CRPPA: variants seen among roughly 807,000 people sequenced by gnomAD.
CRPPA encodes the protein D-ribitol-5-phosphate cytidylyltransferase.
Under a neutral mutation model 52.0 loss-of-function variants are expected in CRPPA, and 43 were observed. The ratio of observed to expected loss-of-function variants is 0.83; its 90% CI spans 0.65 to 1.07. The LOEUF is 1.07. Ranked by LOEUF, CRPPA falls within the 50% of genes least tolerant of loss-of-function variation. The pLI, the probability that CRPPA is intolerant of heterozygous loss-of-function variation, is 0.00. For missense variants in CRPPA, 629 were observed against 551.7 expected (o/e 1.14, Z -1.40); for synonymous variants, 250 against 203.5 (o/e 1.23, Z -1.94).
At chr7:16,351,329 C>A (rs569058500) in intron 3 of CRPPA, among the ~76,000 whole-genome samples, 4 of 152,052 alleles carry the variant, frequency 2.6e-5, no homozygotes. Context: ...CTAGGTAATA[C>A]CATTCAGGAC....
intron 2 of CRPPA, among the ~76,000 whole-genome samples, chr7:16,385,190 C>T (rs1787225445): frequency 6.6e-6 from 1 of 151,272 alleles, no homozygotes; most frequent in Non-Finnish European, 1.5e-5. Context: ...AAGTACACAA[C>T]AATTTTGTAT....
At chr7:16,375,900 G>A (rs1786867414) in intron 3 of CRPPA, among the ~76,000 whole-genome samples, 192 bp downstream of exon 3, 1 of 152,080 alleles carries the variant, frequency 6.6e-6, no homozygotes. Flanking sequence ...GCCTGCAAAC[G>A]GATCCTCAAC....
chr7:16,281,130 C>A (rs903488349), intron 5 of CRPPA, among the ~76,000 whole-genome samples: 1 of 152,178 alleles, frequency 6.6e-6, no homozygotes, highest in African/African-American at 2.4e-5. Flanking sequence ...TTTTTACCAT[C>A]ATTTCCACAA....
chr7:16,121,090 G>A (rs1782471488), intron 9 of CRPPA, among the ~76,000 whole-genome samples: 1 of 152,004 alleles, frequency 6.6e-6, no homozygotes, highest in South Asian at 2.1e-4. Flanking sequence ...AATAAAATTT[G>A]AATAACTTGT....
intron 9 of CRPPA, among the ~76,000 whole-genome samples, chr7:16,199,859 T>C (rs7804415): frequency 2.1e-4 from 31 of 149,412 alleles, no homozygotes; most frequent in African/African-American, 5.1e-4. Flanking sequence ...TTTTTCTTTT[T>C]TTTTTTTTTT....
chr7:16,095,063 G>A (rs775920251), intron 9 of CRPPA, among the ~76,000 whole-genome samples: 5 of 152,122 alleles, frequency 3.3e-5, no homozygotes, highest in Non-Finnish European at 7.4e-5. Context: ...GAGAACCTGG[G>A]TGTGAGTATA....
chr7:16,324,305 A>C (rs1370357054), intron 3 of CRPPA, among the ~76,000 whole-genome samples: 2 of 152,242 alleles, frequency 1.3e-5, no homozygotes, highest in Admixed American at 6.5e-5. Context: ...TTTAAAGGTA[A>C]TAGGTCAGGA....
At chr7:16,181,772 A>G (rs993110383) in intron 9 of CRPPA, among the ~76,000 whole-genome samples, 1 of 152,034 alleles carries the variant, frequency 6.6e-6, no homozygotes, top group African/African-American at 2.4e-5. Flanking sequence ...CCTCTAAGAC[A>G]CTTTTATGCT....
chr7:16,342,466 G>A (rs1378343172), intron 3 of CRPPA, among the ~76,000 whole-genome samples: 1 of 151,850 alleles, frequency 6.6e-6, no homozygotes, highest in Admixed American at 6.6e-5. Flanking sequence ...CCCAACTAAA[G>A]GAAAGAGACA....
chr7:16,302,112 C>A (rs181047631), intron 4 of CRPPA, among the ~76,000 whole-genome samples: 1 of 151,836 alleles, frequency 6.6e-6, no homozygotes, highest in Non-Finnish European at 1.5e-5. Context: ...TTAGATAACA[C>A]GGTGAAACCC....
chr7:16,242,770 A>G (rs1024409494), intron 8 of CRPPA, among the ~76,000 whole-genome samples: 1 of 152,116 alleles, frequency 6.6e-6, no homozygotes, highest in Non-Finnish European at 1.5e-5. Context: ...GTCTCCAATT[A>G]AAAAAAAATT....
At chr7:16,302,586 C>A (rs1189876160) in intron 4 of CRPPA, among the ~76,000 whole-genome samples, 2 of 152,082 alleles carry the variant, frequency 1.3e-5, no homozygotes, top group African/African-American at 2.4e-5. Flanking sequence ...TCTAAAAACC[C>A]ACTTTGAGAA....
At chr7:16,169,330 A>G (rs1411104478) in intron 9 of CRPPA, among the ~76,000 whole-genome samples, 1 of 152,220 alleles carries the variant, frequency 6.6e-6, no homozygotes, top group Non-Finnish European at 1.5e-5. Flanking sequence ...AAATTGTTCC[A>G]CTTGAAGAAA....
At position 16,101,084 on chromosome 7, in the gene CRPPA, G is replaced by T. The variant is rs374683457; in HGVS notation, c.1252-9285C>A. On this transcript the variant is annotated intron_variant, in intron 9 of 9. Coordinates refer to ENST00000407010, the MANE Select transcript of CRPPA (RefSeq NM_001101426.4). ...TTTTATTGAGGATTTTTGCATCGATGTTCATCAGGGATATTGGCCTGAGAC... is the reference window on the plus strand; with the variant it reads ...TTTTATTGAGGATTTTTGCATCGATTTTCATCAGGGATATTGGCCTGAGAC... Among the ~76,000 whole-genome samples the T allele has an allele frequency of 2.7e-4, 41 of 152,232 alleles. 1 individual carries two copies. Among genetic ancestry groups the T allele is most frequent in the East Asian group, 1.4e-3 (7 of 5,184 alleles).
At chr7:16,111,029 G>C (rs550625320) in intron 9 of CRPPA, among the ~76,000 whole-genome samples, 90 of 151,542 alleles carry the variant, frequency 5.9e-4, no homozygotes, top group Non-Finnish European at 1.2e-3. Flanking sequence ...CCCAATAAGA[G>C]GTTAATATTT....
rs73291413 is a variant in CRPPA at position 16,195,587 on chromosome 7, G to A, written c.1251+20479C>T. Among the ~76,000 whole-genome samples the A allele has an allele frequency of 2.7e-3, 418 of 152,172 alleles. 2 individuals are homozygous for A. Among genetic ancestry groups the A allele is most frequent in the African/African-American group, 9.5e-3 (393 of 41,524 alleles). ...GCCAGAAGATAGAGTCTAAGAAAGT[G>A]CAGCAATACCTGAACTAATCAAGCA... On this transcript the variant is annotated intron_variant, in intron 9 of 9. Coordinates refer to ENST00000407010, the MANE Select transcript of CRPPA (RefSeq NM_001101426.4).
At chr7:16,221,703 T>C (rs372447579) in intron 8 of CRPPA, among the ~76,000 whole-genome samples, 26 of 151,900 alleles carry the variant, frequency 1.7e-4, no homozygotes, top group African/African-American at 2.2e-4. Flanking sequence ...AAATGCTCAT[T>C]ATCACTGGCC....
At chr7:16,280,420 C>T (rs1355557026) in intron 5 of CRPPA, among the ~76,000 whole-genome samples, 1 of 152,184 alleles carries the variant, frequency 6.6e-6, no homozygotes, top group Admixed American at 6.5e-5. Context: ...AAGGCCCCAA[C>T]AGTTTTATTT....
chr7:16,212,694 A>C (rs2128396876), intron 9 of CRPPA, among the ~76,000 whole-genome samples: 1 of 152,310 alleles, frequency 6.6e-6, no homozygotes, highest in South Asian at 2.1e-4. Context: ...AGCCAGCACC[A>C]CCATCCTCTG....
Sources: gnomAD v4.1 joint callset for allele counts (sites outside exome capture counted in the v4.1 genomes callset) on GRCh38, gnomAD v4.1.1 for gene constraint, MANE v1.5 for transcripts, NCBI Gene and HGNC (gene_info 2026-07-23, HGNC 2026-07-21) for gene names.